Variants in CAPN15 observed in about 807,000 individuals in gnomAD.
CAPN15 encodes calpain-15.
In CAPN15, 53 loss-of-function variants were observed where a neutral mutation model predicts 97.9. That is an observed-to-expected ratio of 0.54 (90% CI 0.43 to 0.68). The LOEUF (loss-of-function observed/expected upper bound fraction) is 0.68. Ranked by LOEUF, CAPN15 falls within the 30% of genes least tolerant of loss-of-function variation. The pLI is 0.00. For missense variants in CAPN15, 1,592 were observed against 1,589.8 expected (o/e 1.00, Z -0.02); for synonymous variants, 922 against 722.5 (o/e 1.28, Z -4.43).
In CAPN15 at chr16:551,302, G is replaced by T; in HGVS notation, c.2067G>T (p.Gly689=). ...CGGTGAGGGCCGCTCTGCCACACAG[G>T]TTCCTCATGGGTGCCTCCTGTGGCG... The part of the protein sequence containing the change: ...WAKMLSSKEA[G]FLMGASCGGG... Residue 689 remains glycine, a splice_region_variant and synonymous_variant, in exon 8 of 14, where the codon GGG becomes GGT. Transcript: ENST00000219611. 1.9e-6 allele frequency: 3 copies of T among 1,597,702 alleles called. No homozygotes were observed. Among genetic ancestry groups the T allele is most frequent in the Non-Finnish European group, 8.5e-7 (1 of 1,171,486 alleles).
intron 3 of CAPN15, among the ~76,000 whole-genome samples, chr16:540,844 G>A (rs376834516): frequency 1.3e-5 from 2 of 152,186 alleles, no homozygotes; most frequent in Admixed American, 6.5e-5. Flanking sequence ...TACCCGCTGC[G>A]TCCCTCAGGA....
chr16:540,175 G>A (rs1029184069), intron 3 of CAPN15: 66 of 985,484 alleles, frequency 6.7e-5, no homozygotes, highest in Middle Eastern at 5.2e-4. Context: ...CAGCACGGCC[G>A]CCGGCCGGGG....
At chr16:545,659 C>T (rs1567147309) in intron 3 of CAPN15, among the ~76,000 whole-genome samples, 1 of 152,240 alleles carries the variant, frequency 6.6e-6, no homozygotes, top group Non-Finnish European at 1.5e-5. Flanking sequence ...TCATTCTCCT[C>T]TCTGGAGCTG....
At chr16:545,022 TC>T (rs1176856824) in intron 3 of CAPN15, among the ~76,000 whole-genome samples, 3 of 150,792 alleles carry the variant, frequency 2.0e-5, no homozygotes, top group Admixed American at 2.0e-4. Context: ...GGTTGAGAAT[TC>T]CAAAAGGGCT....
rs531590340 is a variant in CAPN15 at position 547,516 on chromosome 16, G to A, written c.678G>A (p.Pro226=). 8.8e-6 allele frequency: 14 copies of A among 1,598,158 alleles called. No homozygotes were observed. Among genetic ancestry groups the A allele is most frequent in the African/African-American group, 4.0e-5 (3 of 74,986 alleles). ...TSQGPAAEPE[P]PRVPPFSPFS... Reference sequence around the variant, plus strand: ...AGGGCCCAGCTGCCGAACCAGAGCCGCCCAGGGTCCCGCCCTTCAGCCCCT... The same window carrying A: ...AGGGCCCAGCTGCCGAACCAGAGCCACCCAGGGTCCCGCCCTTCAGCCCCT... Residue 226 remains proline, a synonymous_variant, in exon 4 of 14, where the codon CCG becomes CCA. Transcript: ENST00000219611.
At chr16:531,735 G>A (rs974465458) in intron 1 of CAPN15, among the ~76,000 whole-genome samples, 1 of 148,414 alleles carries the variant, frequency 6.7e-6, no homozygotes, top group Non-Finnish European at 1.5e-5. Context: ...TCTCTGGGAT[G>A]ACAGGTGCCC....
chr16:532,383 C>T (rs1324578899), intron 1 of CAPN15, among the ~76,000 whole-genome samples: 3 of 149,576 alleles, frequency 2.0e-5, no homozygotes, highest in African/African-American at 5.0e-5. Context: ...ACGAAACCCC[C>T]ATCTCTACTA....
intron 2 of CAPN15, among the ~76,000 whole-genome samples, chr16:534,705 G>A (rs2033568713): frequency 6.6e-6 from 1 of 152,214 alleles, no homozygotes; most frequent in Non-Finnish European, 1.5e-5. Flanking sequence ...CTCTGGTCTG[G>A]TGGGTGCAGT....
chr16:530,478 G>A (rs931810151), intron 1 of CAPN15, among the ~76,000 whole-genome samples: 2 of 152,204 alleles, frequency 1.3e-5, no homozygotes, highest in South Asian at 2.1e-4. Flanking sequence ...ACCTGAGCTC[G>A]GCCTGTTTCT....
chr16:546,983 C>A lies in CAPN15; in HGVS notation c.145C>A (p.Pro49Thr). 6.2e-7 allele frequency: 1 copy of A among 1,610,196 alleles called. No individual in the cohort carries two copies. Among genetic ancestry groups the A allele is most frequent in the Non-Finnish European group, 8.5e-7 (1 of 1,179,882 alleles). Reference protein sequence around the residue: ...LRLSVEEQKWPCARCTFRNFL... With the variant: ...LRLSVEEQKWTCARCTFRNFL... ...GCTCAGCGTGGAGGAGCAGAAATGG[C>A]CCTGCGCCCGCTGCACCTTCCGCAA... The change falls in exon 4 of 14, where the codon CCC becomes ACC. Residue 49 changes from proline (P) to threonine (T), a missense_variant. Pro to Thr is a conservative substitution (Grantham distance 38). Coordinates refer to ENST00000219611, the MANE Select transcript of CAPN15 (RefSeq NM_005632.3).
chr16:529,725 ACAT>A (rs2033113009), intron 1 of CAPN15, among the ~76,000 whole-genome samples: 1 of 152,162 alleles, frequency 6.6e-6, no homozygotes, highest in Non-Finnish European at 1.5e-5. Flanking sequence ...AAGGAGGACG[ACAT>A]CATTAAACAA....
intron 4 of CAPN15, 24 bp downstream of exon 4, chr16:548,311 C>T (rs1567152992): frequency 3.4e-6 from 5 of 1,449,836 alleles, no homozygotes; most frequent in Admixed American, 2.8e-5. Context: ...TCGCCCTCTT[C>T]CTGCTCCTGA....
chr16:549,309 G>A lies in CAPN15; in HGVS notation c.1680G>A (p.Val560=), dbSNP rs758731934. The A allele has an allele frequency of 1.3e-6, 2 of 1,592,022 alleles. No homozygotes were observed. The highest frequency in any genetic ancestry group is 1.7e-6 in the Non-Finnish European group (2 of 1,176,060). ...GNCWFLSALA[V]LAERPDLVER... is the part of the protein sequence containing the mutation. ...GCAGGTTCCTGAGCGCCCTGGCGGT[G>A]CTGGCGGAGCGGCCGGACCTGGTGG... Residue 560 remains valine, a synonymous_variant, in exon 6 of 14, where the codon GTG becomes GTA. Coordinates refer to ENST00000219611, the MANE Select transcript of CAPN15 (RefSeq NM_005632.3).
At chr16:532,765 A>C (rs1335319129) in intron 1 of CAPN15, among the ~76,000 whole-genome samples, 1 of 151,268 alleles carries the variant, frequency 6.6e-6, no homozygotes, top group Non-Finnish European at 1.5e-5. Context: ...AGGCAGGAGA[A>C]TGGCGTGAAC....
intron 3 of CAPN15, among the ~76,000 whole-genome samples, chr16:536,660 G>A (rs2033760221): frequency 1.3e-5 from 2 of 152,126 alleles, no homozygotes; most frequent in East Asian, 1.9e-4. Context: ...TCCTGACCTC[G>A]TGATCCACCC....
intron 3 of CAPN15, among the ~76,000 whole-genome samples, chr16:543,782 G>A (rs190845523): frequency 2.7e-4 from 41 of 152,298 alleles, no homozygotes; most frequent in Non-Finnish European, 2.1e-4. Flanking sequence ...GACGGAGGGC[G>A]CCGGGACTGG....
chr16:551,958 G>C, intron 9 of CAPN15, 93 bp from the exon 10 acceptor site: 1 of 1,361,542 alleles, frequency 7.3e-7, no homozygotes, highest in Non-Finnish European at 1.0e-6. Flanking sequence ...GCTGGCACCT[G>C]CTGGGGTCAC....
chr16:540,255 G>A (rs1313538918), intron 3 of CAPN15: 88 of 985,320 alleles, frequency 8.9e-5, no homozygotes, highest in South Asian at 2.8e-4. Flanking sequence ...CCGGGGGACC[G>A]CCCTACCCGG....
rs2142042483 is a variant in CAPN15 at position 548,050 on chromosome 16, G to A, written c.1212G>A (p.Lys404=). The change falls in exon 4 of 14, where the codon AAG becomes AAA. Residue 404 remains lysine, a synonymous_variant. Transcript: ENST00000219611. ...RSCGRVSSAQ[K]AARVLPERPG... is the part of the protein sequence containing the mutation. ...GCGGACGGGTGTCCTCGGCCCAGAA[G>A]GCCGCCCGCGTCCTGCCCGAGCGCC... The A allele has an allele frequency of 6.4e-7, 1 of 1,554,164 alleles. No homozygotes were observed. The highest frequency in any genetic ancestry group is 2.4e-5 in the East Asian group (1 of 41,328).
Sources: gnomAD v4.1 joint callset for allele counts (sites outside exome capture counted in the v4.1 genomes callset) on GRCh38, gnomAD v4.1.1 for gene constraint, MANE v1.5 for transcripts, NCBI Gene and HGNC (gene_info 2026-07-23, HGNC 2026-07-21) for gene names.